SOX5: variants seen among roughly 807,000 people sequenced by gnomAD.
SOX5 encodes the protein SRY-box transcription factor 5, also known as transcription factor SOX-5.
A neutral mutation model predicts 92.0 loss-of-function variants in SOX5; 9 were observed. The ratio of observed to expected loss-of-function variants is 0.10; its 90% CI spans 0.06 to 0.17. The LOEUF (loss-of-function observed/expected upper bound fraction) is 0.17. SOX5 is among the 10% of genes least tolerant of loss of function. The pLI, the probability that SOX5 is intolerant of heterozygous loss-of-function variation, is 1.00. For missense variants in SOX5, 642 were observed against 944.5 expected (o/e 0.68, Z 4.20); for synonymous variants, 344 against 336.3 (o/e 1.02, Z -0.25).
At chr12:23,682,746 CAT>C (rs1359428777) in intron 6 of SOX5, among the ~76,000 whole-genome samples, 8 of 151,650 alleles carry the variant, frequency 5.3e-5, no homozygotes, top group East Asian at 1.9e-4. Flanking sequence ...CAAAATATTA[CAT>C]GTTTGAAAAA....
chr12:23,719,949 G>C (rs2092724038), intron 6 of SOX5, among the ~76,000 whole-genome samples: 1 of 152,146 alleles, frequency 6.6e-6, no homozygotes, highest in South Asian at 2.1e-4. Flanking sequence ...CAGTGTAAAA[G>C]AGAGGAACAA....
At chr12:23,560,850 G>T (rs568276464) in intron 11 of SOX5, among the ~76,000 whole-genome samples, 1 of 152,266 alleles carries the variant, frequency 6.6e-6, no homozygotes, top group East Asian at 1.9e-4. Flanking sequence ...AGTAATACCT[G>T]CTTCAAAGAG....
chr12:23,745,954 AC>A (rs1187581326), intron 4 of SOX5, among the ~76,000 whole-genome samples: 1 of 152,154 alleles, frequency 6.6e-6, no homozygotes, highest in East Asian at 1.9e-4. Flanking sequence ...ATCATCTAAC[AC>A]CGTTTAATGA....
At chr12:23,925,464 A>G (rs1055141093) in intron 1 of SOX5, among the ~76,000 whole-genome samples, 1 of 152,108 alleles carries the variant, frequency 6.6e-6, no homozygotes, top group African/African-American at 2.4e-5. Context: ...ATTTCAGAAT[A>G]TAATTGGTAA....
At chr12:23,556,047 T>C (rs550739483) in intron 11 of SOX5, among the ~76,000 whole-genome samples, 1 of 152,294 alleles carries the variant, frequency 6.6e-6, no homozygotes, top group South Asian at 2.1e-4. Flanking sequence ...ATTTGCCTTT[T>C]TGTCATGGTC....
chr12:24,558,052 C>T (rs941450765), intron 1 of SOX5, among the ~76,000 whole-genome samples: 4 of 152,148 alleles, frequency 2.6e-5, no homozygotes, highest in Non-Finnish European at 5.9e-5. Flanking sequence ...AATATTTCCT[C>T]CTGGCAGCTT....
At position 23,872,164 on chromosome 12, in the gene SOX5, A is replaced by ATT. The variant is rs71059938; in HGVS notation, c.270+23627_270+23628dup. ...AGGCGCCCGCCACCACGCCCGGCTA[A>ATT]TTTTTTTTTTTTTTTTTTTTTTTTT... On this transcript the variant is annotated intron_variant, in intron 2 of 14. Coordinates refer to ENST00000451604, the MANE Select transcript of SOX5 (RefSeq NM_006940.6). Among the ~76,000 whole-genome samples, 313 of 61,642 alleles carry ATT rather than the reference A, an allele frequency of 5.1e-3. 23 individuals are homozygous for ATT. The highest frequency in any genetic ancestry group is 8.4e-3 in the African/African-American group (147 of 17,432). The allele number at this position is 61,642 out of a possible 152,430, so 40.4% of individuals were successfully genotyped here. A position where few individuals can be genotyped will look rare whatever the true frequency, so the allele number is the denominator to read the frequency against.
chr12:23,974,125 A>G (rs1224425877), intron 4 of SOX5, among the ~76,000 whole-genome samples: 4 of 152,300 alleles, frequency 2.6e-5, no homozygotes, highest in Admixed American at 2.0e-4. Flanking sequence ...AATTAGAACA[A>G]TGTACTACAA....
intron 1 of SOX5, among the ~76,000 whole-genome samples, chr12:23,942,796 A>G (rs1943906081): frequency 6.6e-6 from 1 of 152,022 alleles, no homozygotes; most frequent in Non-Finnish European, 1.5e-5. Flanking sequence ...TGCATAGGAC[A>G]TAATGAAACC....
intron 2 of SOX5, among the ~76,000 whole-genome samples, chr12:24,310,332 T>C (rs747911090): frequency 5.3e-5 from 8 of 152,218 alleles, no homozygotes; most frequent in Non-Finnish European, 1.0e-4. Context: ...ACATGTGTTA[T>C]GTATTACGGT....
intron 4 of SOX5, among the ~76,000 whole-genome samples, chr12:23,986,540 A>G (rs1452479004): frequency 1.3e-5 from 2 of 152,206 alleles, no homozygotes; most frequent in Admixed American, 1.3e-4. Flanking sequence ...GAGAAATACA[A>G]TGTCTTTCTT....
chr12:23,681,118 A>G (rs1272308172), intron 6 of SOX5, among the ~76,000 whole-genome samples: 1 of 152,066 alleles, frequency 6.6e-6, no homozygotes, highest in African/African-American at 2.4e-5. Context: ...ATTCAACAAT[A>G]TTAGCATGTA....
At position 24,303,950 on chromosome 12, in the gene SOX5, C is replaced by A. The variant is rs76455413; in HGVS notation, c.-173-26638G>T. Among the ~76,000 whole-genome samples, 619 of 152,072 alleles carry A rather than the reference C, an allele frequency of 4.1e-3. 22 individuals carry two copies. In the South Asian group the frequency reaches 0.063, roughly 16 times the overall value. Reference sequence around the variant, plus strand: ...AAAGACAATTGTTCAATTATATGTTCCACTAAAACATAATGTTGAGGCTAC... The same window carrying A: ...AAAGACAATTGTTCAATTATATGTTACACTAAAACATAATGTTGAGGCTAC... On this transcript the variant is annotated intron_variant, in intron 2 of 4. Coordinates refer to the SOX5 transcript ENST00000446891.
chr12:23,641,601 T>G (rs551616125), intron 7 of SOX5, among the ~76,000 whole-genome samples: 2 of 152,148 alleles, frequency 1.3e-5, no homozygotes, highest in Non-Finnish European at 2.9e-5. Flanking sequence ...TGTAAAAATA[T>G]AGGCACACAC....
intron 8 of SOX5, among the ~76,000 whole-genome samples, chr12:23,629,078 T>A (rs1234711740): frequency 6.6e-6 from 1 of 152,056 alleles, no homozygotes; most frequent in Non-Finnish European, 1.5e-5. Context: ...CAAATAGATA[T>A]GAAACAGCAC....
chr12:24,387,688 T>A lies in SOX5; in HGVS notation c.-250-19049A>T, dbSNP rs150108452. Among the ~76,000 whole-genome samples the A allele has an allele frequency of 1.2e-4, 18 of 152,298 alleles. No individual in the cohort carries two copies. In the East Asian group the frequency reaches 3.5e-3, roughly 29 times the overall value. On this transcript the variant is annotated intron_variant, in intron 1 of 4. Transcript: ENST00000446891. ...AGGGAATATTAAGGCCTTTTTACTGTCATTTTAAACTAAAAAGGAAAGTAG... is the reference window on the plus strand; with the variant it reads ...AGGGAATATTAAGGCCTTTTTACTGACATTTTAAACTAAAAAGGAAAGTAG...
At chr12:23,563,463 T>C in intron 10 of SOX5, 60 bp from the exon 11 acceptor site, 1 of 1,506,434 alleles carries the variant, frequency 6.6e-7, no homozygotes, top group African/African-American at 1.4e-5. Context: ...GGCTAGCGTT[T>C]AACCATAAAA....
intron 4 of SOX5, among the ~76,000 whole-genome samples, chr12:23,750,967 T>G (rs570510968): frequency 1.3e-5 from 2 of 152,056 alleles, no homozygotes; most frequent in African/African-American, 4.8e-5. Flanking sequence ...TTTGCTTTTA[T>G]AGACATTGTC....
chr12:24,504,962 A>G, intron 1 of SOX5, among the ~76,000 whole-genome samples: 1 of 152,204 alleles, frequency 6.6e-6, no homozygotes, highest in East Asian at 1.9e-4. Context: ...TCACTACTCA[A>G]TCCTGGGGTT....
Sources: allele counts gnomAD v4.1 joint callset (sites outside exome capture counted in the v4.1 genomes callset), GRCh38; gene constraint gnomAD v4.1.1; transcripts MANE v1.5; gene names NCBI Gene and HGNC (gene_info 2026-07-23, HGNC 2026-07-21).